The following DPY19L3 variants were observed in gnomAD, a reference collection of about 807,000 sequenced individuals.
DPY19L3 encodes dpy-19 like C-mannosyltransferase 3, also known as protein C-mannosyl-transferase DPY19L3.
A neutral mutation model predicts 92.3 loss-of-function variants in DPY19L3; 51 were observed. The observed-to-expected ratio is 0.55, with a 90% CI of 0.44 to 0.70. DPY19L3 has a LOEUF of 0.70. Among genes scored for constraint, DPY19L3 ranks in the 30% least tolerant of loss-of-function variants. The pLI, the probability that DPY19L3 is intolerant of heterozygous loss-of-function variation, is 0.00. For missense variants in DPY19L3, 706 were observed against 855.9 expected (o/e 0.82, Z 2.18); for synonymous variants, 309 against 315.2 (o/e 0.98, Z 0.21).
At chr19:32,466,375 T>TA (rs1307887677) in intron 15 of DPY19L3, among the ~76,000 whole-genome samples, 1 of 152,118 alleles carries the variant, frequency 6.6e-6, no homozygotes, top group Non-Finnish European at 1.5e-5. Flanking sequence ...GCCCCCCAGT[T>TA]TTAAGAACCC....
intron 3 of DPY19L3, among the ~76,000 whole-genome samples, chr19:32,419,632 CT>C (rs1968497992): frequency 6.6e-6 from 1 of 151,974 alleles, no homozygotes; most frequent in Admixed American, 6.6e-5. Flanking sequence ...CAGAGTCTCA[CT>C]TTGTTGTACA....
chr19:32,412,880 A>G (rs990031427), intron 3 of DPY19L3: 1 of 152,100 alleles, frequency 6.6e-6, no homozygotes, highest in African/African-American at 2.4e-5. Flanking sequence ...CAGTGAGCTG[A>G]GATCCCACCA....
chr19:32,467,053 T>C (rs1391367445), intron 15 of DPY19L3, among the ~76,000 whole-genome samples: 1 of 152,222 alleles, frequency 6.6e-6, no homozygotes, highest in Non-Finnish European at 1.5e-5. Context: ...TTCTCTTTAG[T>C]ATAAGCATAT....
Position 32,480,441 on chromosome 19 carries a change from G to A in DPY19L3, c.1873G>A (p.Ala625Thr), listed in dbSNP as rs1347117318. The A allele has an allele frequency of 1.9e-6, 3 of 1,613,784 alleles. No individual in the cohort carries two copies. The highest frequency in any genetic ancestry group is 1.3e-5 in the African/African-American group (1 of 74,928). The change falls in exon 18 of 19, where the codon GCC becomes ACC. Residue 625 changes from alanine to threonine, a missense_variant. Coordinates refer to ENST00000392250, the MANE Select transcript of DPY19L3 (RefSeq NM_001172774.2). The part of the protein sequence containing the change: ...YAKRAPEEVH[A>T]LLRSFGTDYV... ...CAAGAGGGCACCAGAGGAAGTGCAT[G>A]CCCTCCTAAGGTCCTTCGGCACTGA...
At chr19:32,472,226 GA>G (rs1475327315) in intron 16 of DPY19L3, among the ~76,000 whole-genome samples, 1 of 152,170 alleles carries the variant, frequency 6.6e-6, no homozygotes, top group East Asian at 1.9e-4. Flanking sequence ...AGTAGAGATT[GA>G]AGCTTCAGTA....
At chr19:32,456,079 C>CTT (rs899726982) in intron 10 of DPY19L3, among the ~76,000 whole-genome samples, 1,606 of 103,366 alleles carry the variant, frequency 0.016, 43 homozygotes, top group African/African-American at 0.025. Flanking sequence ...TCACTATGTT[C>CTT]TTTTTTTTTT....
At chr19:32,458,604 A>G in intron 12 of DPY19L3, 95 bp downstream of exon 12, 1 of 1,257,582 alleles carries the variant, frequency 8.0e-7, no homozygotes, top group Non-Finnish European at 1.1e-6. Context: ...TATCAGACAC[A>G]AGTAATAGTA....
intron 8 of DPY19L3, among the ~76,000 whole-genome samples, chr19:32,452,353 T>A (rs1015851818): frequency 1.3e-5 from 2 of 152,130 alleles, no homozygotes; most frequent in Non-Finnish European, 2.9e-5. Flanking sequence ...GAGGACAAGG[T>A]CATGCAGCAG....
At chr19:32,427,471 G>A (rs925321056) in intron 3 of DPY19L3, among the ~76,000 whole-genome samples, 4 of 152,080 alleles carry the variant, frequency 2.6e-5, no homozygotes, top group Admixed American at 2.6e-4. Context: ...ATTTTCCACT[G>A]TTATTCTTAT....
At chr19:32,414,013 T>C (rs1350192854) in intron 3 of DPY19L3, among the ~76,000 whole-genome samples, 6 of 152,094 alleles carry the variant, frequency 3.9e-5, no homozygotes, top group Non-Finnish European at 8.8e-5. Context: ...TGTGAGCCGC[T>C]ATGCCCACCT....
chr19:32,425,908 G>A (rs541721675), intron 3 of DPY19L3, among the ~76,000 whole-genome samples: 1 of 152,280 alleles, frequency 6.6e-6, no homozygotes, highest in Admixed American at 6.5e-5. Context: ...AGCCCCTAAC[G>A]AGAGTCAGCC....
chr19:32,419,229 C>T (rs1477653126), intron 3 of DPY19L3, among the ~76,000 whole-genome samples: 1 of 147,798 alleles, frequency 6.8e-6, no homozygotes, highest in East Asian at 2.0e-4. Flanking sequence ...GGCGCGATCT[C>T]GGCTCCCTGC....
At chr19:32,446,002 A>G (rs924052284) in intron 8 of DPY19L3, among the ~76,000 whole-genome samples, 8 of 149,650 alleles carry the variant, frequency 5.3e-5, no homozygotes, top group Non-Finnish European at 1.2e-4. Flanking sequence ...CTTCGTCTCA[A>G]AAAAAAAAAA....
At chr19:32,463,612 T>G in intron 13 of DPY19L3, 124 bp downstream of exon 13, 1 of 1,175,454 alleles carries the variant, frequency 8.5e-7, no homozygotes, top group Non-Finnish European at 1.2e-6. Flanking sequence ...ATCATCCTTA[T>G]ATCCTATCTT....
chr19:32,432,944 T>A, intron 4 of DPY19L3, 138 bp downstream of exon 4: 1 of 661,074 alleles, frequency 1.5e-6, no homozygotes, highest in Admixed American at 3.0e-5. Flanking sequence ...AATCATTTCA[T>A]GAAAATGTTT....
At chr19:32,437,430 A>G (rs1969179117) in intron 6 of DPY19L3, 91 bp downstream of exon 6, 2 of 1,457,274 alleles carry the variant, frequency 1.4e-6, no homozygotes, top group Non-Finnish European at 1.8e-6. Context: ...TTCTTCTGCC[A>G]CATTTGTTTG....
intron 16 of DPY19L3, among the ~76,000 whole-genome samples, chr19:32,476,642 T>A (rs1229943230): frequency 6.6e-6 from 1 of 151,932 alleles, no homozygotes; most frequent in Non-Finnish European, 1.5e-5. Context: ...CTTTTCTTGG[T>A]CCCTAGTCCC....
intron 4 of DPY19L3, 31 bp downstream of exon 4, chr19:32,432,837 C>T: frequency 6.3e-7 from 1 of 1,596,258 alleles, no homozygotes; most frequent in South Asian, 1.1e-5. Context: ...CATTTGGGGT[C>T]TCCTGCATTT....
In DPY19L3 at chr19:32,434,276, C is replaced by T. The variant is rs568692474; in HGVS notation, c.328+1470C>T. 4.1e-4 allele frequency among the ~76,000 whole-genome samples: 62 copies of T among 152,288 alleles called. No homozygotes were observed. In the South Asian group the frequency reaches 0.012, roughly 31 times the overall value. ...ATGAGGCGACACTCTGCCTCCTTGT[C>T]TCGGCTCTCACACTGCAGTGTCCTT... On this transcript the variant is annotated intron_variant, in intron 4 of 18. Transcript: ENST00000392250.
Sources: allele counts gnomAD v4.1 joint callset (sites outside exome capture counted in the v4.1 genomes callset), GRCh38; gene constraint gnomAD v4.1.1; transcripts MANE v1.5; gene names NCBI Gene and HGNC (gene_info 2026-07-23, HGNC 2026-07-21).